Variants in CNTNAP4 observed in about 807,000 individuals in gnomAD.
The protein encoded by CNTNAP4 is contactin-associated protein-like 4.
CNTNAP4 carries 98 observed loss-of-function variants against 148.4 expected under a neutral mutation model. The ratio of observed to expected loss-of-function variants is 0.66; its 90% CI spans 0.56 to 0.78. The LOEUF (loss-of-function observed/expected upper bound fraction) is 0.78. Among genes scored for constraint, CNTNAP4 ranks in the 30% least tolerant of loss-of-function variants. The pLI is 0.00. For missense variants in CNTNAP4, 1,935 were observed against 1,565.6 expected (o/e 1.24, Z -3.98); for synonymous variants, 730 against 565.1 (o/e 1.29, Z -4.14).
intron 10 of CNTNAP4, among the ~76,000 whole-genome samples, chr16:76,467,803 G>T (rs533711185): frequency 1.2e-3 from 190 of 152,218 alleles, no homozygotes; most frequent in African/African-American, 4.0e-3. Flanking sequence ...TATAATTTTA[G>T]ACAAGTATAG....
intron 23 of CNTNAP4, 39 bp from the exon 24 acceptor site, chr16:76,558,451 G>T: frequency 8.1e-7 from 1 of 1,233,586 alleles, no homozygotes; most frequent in Non-Finnish European, 1.2e-6. Flanking sequence ...TTTCTATTTG[G>T]ACAGAAATTC....
chr16:76,461,685 T>C (rs994727291), intron 8 of CNTNAP4, among the ~76,000 whole-genome samples: 1 of 152,194 alleles, frequency 6.6e-6, no homozygotes, highest in African/African-American at 2.4e-5. Flanking sequence ...GGAAATTACA[T>C]AGATGGAAGC....
At chr16:76,537,195 G>A (rs1450066751) in intron 18 of CNTNAP4, among the ~76,000 whole-genome samples, 1 of 152,064 alleles carries the variant, frequency 6.6e-6, no homozygotes, top group East Asian at 1.9e-4. Context: ...AAGTGCAACC[G>A]TAAATGTTAC....
intron 2 of CNTNAP4, among the ~76,000 whole-genome samples, chr16:76,353,559 G>A (rs920171303): frequency 5.3e-5 from 8 of 152,074 alleles, no homozygotes; most frequent in African/African-American, 9.7e-5. Context: ...TGCTGGGACA[G>A]GTACCAGACA....
intron 7 of CNTNAP4, among the ~76,000 whole-genome samples, chr16:76,450,526 A>G (rs12921132): frequency 3.3e-5 from 5 of 152,360 alleles, no homozygotes; most frequent in Non-Finnish European, 5.9e-5. Flanking sequence ...GAATCAGATA[A>G]CAACCATGTA....
intron 12 of CNTNAP4, among the ~76,000 whole-genome samples, chr16:76,481,044 CAAAT>C (rs1014773582): frequency 8.5e-5 from 13 of 152,252 alleles, no homozygotes; most frequent in Admixed American, 5.9e-4. Context: ...CAAAGATAAA[CAAAT>C]AAACCAATAA....
At chr16:76,467,262 C>T in intron 9 of CNTNAP4, 90 bp from the exon 10 acceptor site, 3 of 1,089,062 alleles carry the variant, frequency 2.8e-6, no homozygotes, top group South Asian at 1.5e-5. Flanking sequence ...TAATCATATG[C>T]CTCTTTCTTT....
intron 15 of CNTNAP4, among the ~76,000 whole-genome samples, chr16:76,503,158 T>C (rs2082717054): frequency 6.6e-6 from 1 of 152,198 alleles, no homozygotes; most frequent in Non-Finnish European, 1.5e-5. Flanking sequence ...TGTCATACTT[T>C]GAATAGTCAA....
At chr16:76,385,457 A>ATTT (rs10642003) in intron 3 of CNTNAP4, among the ~76,000 whole-genome samples, 1,883 of 152,130 alleles carry the variant, frequency 0.012, 41 homozygotes, top group African/African-American at 0.043. Flanking sequence ...AACAACTGTA[A>ATTT]TTTTTCTTCA....
chr16:76,295,885 T>G (rs1006355738), intron 1 of CNTNAP4, among the ~76,000 whole-genome samples: 8 of 152,190 alleles, frequency 5.3e-5, no homozygotes, highest in Non-Finnish European at 1.5e-5. Flanking sequence ...TGGTGCAATC[T>G]CAGCTCACTG....
At chr16:76,347,319 T>C (rs17698995) in intron 2 of CNTNAP4, among the ~76,000 whole-genome samples, 1 of 152,054 alleles carries the variant, frequency 6.6e-6, no homozygotes, top group East Asian at 1.9e-4. Context: ...GTGACTACAA[T>C]TTTATTTCAA....
At chr16:76,414,824 T>C (rs2078919504) in intron 3 of CNTNAP4, among the ~76,000 whole-genome samples, 1 of 151,380 alleles carries the variant, frequency 6.6e-6, no homozygotes, top group Non-Finnish European at 1.5e-5. Flanking sequence ...ATCACTCTAA[T>C]GTGTATAGGA....
chr16:76,397,119 C>A (rs754127480), intron 3 of CNTNAP4, among the ~76,000 whole-genome samples: 3 of 151,802 alleles, frequency 2.0e-5, no homozygotes, highest in Non-Finnish European at 4.4e-5. Context: ...CAGGGGCCTA[C>A]AAGAGAAAGA....
intron 3 of CNTNAP4, among the ~76,000 whole-genome samples, chr16:76,383,754 A>G (rs1039094954): frequency 2.6e-5 from 4 of 152,196 alleles, no homozygotes; most frequent in African/African-American, 7.2e-5. Flanking sequence ...ATATTTACGC[A>G]TGAAATAATA....
Position 76,558,642 on chromosome 16 carries a change from C to T in CNTNAP4, c.3886C>T (p.Gln1296Ter). The T allele has an allele frequency of 6.2e-7, 1 of 1,611,186 alleles. No individual in the cohort carries two copies. Among genetic ancestry groups the T allele is most frequent in the Non-Finnish European group, 8.5e-7 (1 of 1,178,890 alleles). ...TGTTCTGAAAAGTGAGCTTAATATA[C>T]AAAATGCAGTCAATGAAAATCAGAA... ...EAVLKSELNI[Q>*]NAVNENQKEY... Residue 1296 changes from glutamine (Q) to a stop codon, truncating the protein, a stop_gained, in exon 24 of 24, where the codon CAA (glutamine) becomes TAA (stop). Transcript: ENST00000611870. LOFTEE classifies it high-confidence loss of function.
intron 3 of CNTNAP4, among the ~76,000 whole-genome samples, chr16:76,387,434 TCTTG>T (rs1217905759): frequency 6.6e-6 from 1 of 152,232 alleles, no homozygotes; most frequent in African/African-American, 2.4e-5. Context: ...CAATAGTCTC[TCTTG>T]CTTTAGGGCT....
At chr16:76,374,990 A>C (rs919143216) in intron 3 of CNTNAP4, among the ~76,000 whole-genome samples, 2 of 151,746 alleles carry the variant, frequency 1.3e-5, no homozygotes, top group Non-Finnish European at 2.9e-5. Flanking sequence ...GCTGGTCTCG[A>C]ACTCCTGACC....
chr16:76,296,954 T>A (rs1016684524), intron 1 of CNTNAP4, among the ~76,000 whole-genome samples: 1 of 152,214 alleles, frequency 6.6e-6, no homozygotes, highest in Admixed American at 6.5e-5. Context: ...CGTTGGCAAC[T>A]GTTACATTTT....
intron 14 of CNTNAP4, among the ~76,000 whole-genome samples, chr16:76,496,042 A>G (rs1158579340): frequency 6.6e-6 from 1 of 151,618 alleles, no homozygotes; most frequent in African/African-American, 2.4e-5. Flanking sequence ...TCAAGATTAT[A>G]TCATACAACA....
Sources: allele counts gnomAD v4.1 joint callset (sites outside exome capture counted in the v4.1 genomes callset), GRCh38; gene constraint gnomAD v4.1.1; transcripts MANE v1.5; gene names NCBI Gene and HGNC (gene_info 2026-07-23, HGNC 2026-07-21).